FAM169A: variants seen among roughly 807,000 people sequenced by gnomAD.
FAM169A encodes the protein family with sequence similarity 169 member A, also known as soluble lamin-associated protein of 75 kDa.
FAM169A carries 24 observed loss-of-function variants against 75.7 expected under a neutral mutation model. The ratio of observed to expected loss-of-function variants is 0.32; its 90% CI spans 0.23 to 0.45. The LOEUF (loss-of-function observed/expected upper bound fraction) is 0.45, where lower values mean the gene tolerates loss of function less well. Among genes scored for constraint, FAM169A ranks in the 20% least tolerant of loss-of-function variants. FAM169A has a pLI of 1.00. For missense variants in FAM169A, 673 were observed against 784.0 expected (o/e 0.86, Z 1.69); for synonymous variants, 271 against 271.0 (o/e 1.00, Z 0.00).
At chr5:74,826,739 C>A (rs966886328) in intron 5 of FAM169A, among the ~76,000 whole-genome samples, 1 of 152,226 alleles carries the variant, frequency 6.6e-6, no homozygotes. Flanking sequence ...TCCTATATAG[C>A]CAAAATACTA....
chr5:74,801,258 C>T (rs540059184), intron 9 of FAM169A, among the ~76,000 whole-genome samples: 1 of 152,282 alleles, frequency 6.6e-6, no homozygotes, highest in South Asian at 2.1e-4. Flanking sequence ...AGTCATTCCT[C>T]ACGTTCCATG....
At chr5:74,824,710 C>A (rs767251036) in intron 5 of FAM169A, among the ~76,000 whole-genome samples, 1 of 67,402 alleles carries the variant, frequency 1.5e-5, no homozygotes, top group African/African-American at 2.3e-4. Flanking sequence ...CACACACATA[C>A]ACACACACAC....
At chr5:74,839,128 A>T in intron 3 of FAM169A, 78 bp from the exon 4 acceptor site, 1 of 976,320 alleles carries the variant, frequency 1.0e-6, no homozygotes, top group Admixed American at 1.7e-5. Flanking sequence ...ATTGTACTAT[A>T]AAGTATCCAT....
intron 1 of FAM169A, among the ~76,000 whole-genome samples, chr5:74,853,927 T>C (rs1469911529): frequency 6.6e-6 from 1 of 151,738 alleles, no homozygotes; most frequent in Non-Finnish European, 1.5e-5. Context: ...AAGCCAAGTG[T>C]TTTAAAGCTG....
At chr5:74,803,839 G>C (rs571630674) in intron 8 of FAM169A, among the ~76,000 whole-genome samples, 2 of 152,106 alleles carry the variant, frequency 1.3e-5, no homozygotes, top group Non-Finnish European at 2.9e-5. Context: ...CAACTTCATA[G>C]TCTTTCACCT....
rs192084844 is a variant in FAM169A at position 74,844,574 on chromosome 5, C to A, written c.-3-2895G>T. On this transcript the variant is annotated intron_variant, in intron 1 of 12. Coordinates refer to ENST00000687041, the MANE Select transcript of FAM169A (RefSeq NM_001376049.1). ...GTGGCTCACGCCTGTAATCCCGACA[C>A]TCTGGGAGGCTGAGGCAGGCGGATC... Among the ~76,000 whole-genome samples, 82 of 152,352 alleles carry A rather than the reference C, an allele frequency of 5.4e-4. 1 individual carries two copies. Among genetic ancestry groups the A allele is most frequent in the African/African-American group, 1.9e-3 (78 of 41,590 alleles).
chr5:74,818,144 A>G (rs529473584), intron 5 of FAM169A, among the ~76,000 whole-genome samples: 1 of 152,326 alleles, frequency 6.6e-6, no homozygotes, highest in South Asian at 2.1e-4. Flanking sequence ...GACAAAAGAA[A>G]AAGTAGATAA....
chr5:74,859,293 T>C (rs1158163969), intron 1 of FAM169A, among the ~76,000 whole-genome samples: 2 of 144,736 alleles, frequency 1.4e-5, no homozygotes, highest in Non-Finnish European at 3.1e-5. Flanking sequence ...TTCTCTTTTT[T>C]TTTTTTTTTT....
intron 11 of FAM169A, among the ~76,000 whole-genome samples, chr5:74,794,928 A>C (rs1212253091): frequency 1.3e-5 from 2 of 152,124 alleles, no homozygotes; most frequent in African/African-American, 2.4e-5. Flanking sequence ...CATTTCATGA[A>C]ATAGAGGAAG....
chr5:74,864,923 T>C (rs1750235058), intron 1 of FAM169A, among the ~76,000 whole-genome samples: 2 of 152,216 alleles, frequency 1.3e-5, no homozygotes, highest in South Asian at 2.1e-4. Context: ...AATAAAAATC[T>C]TTCCTCTTGT....
At chr5:74,850,210 A>G (rs1301752833) in intron 1 of FAM169A, among the ~76,000 whole-genome samples, 3 of 152,226 alleles carry the variant, frequency 2.0e-5, no homozygotes, top group Admixed American at 6.5e-5. Context: ...TAACTTGTTC[A>G]AGGCCACACT....
At chr5:74,849,594 A>G (rs556768106) in intron 1 of FAM169A, among the ~76,000 whole-genome samples, 7 of 152,202 alleles carry the variant, frequency 4.6e-5, no homozygotes, top group African/African-American at 7.2e-5. Context: ...TCCAGGCAAC[A>G]TAATCAGCAA....
At chr5:74,827,474 T>C (rs1748094373) in intron 5 of FAM169A, among the ~76,000 whole-genome samples, 1 of 152,106 alleles carries the variant, frequency 6.6e-6, no homozygotes, top group African/African-American at 2.4e-5. Flanking sequence ...CAAGAATATA[T>C]TTGTATATAA....
chr5:74,856,813 GAAAA>G (rs60985381), intron 1 of FAM169A, among the ~76,000 whole-genome samples: 1 of 112,488 alleles, frequency 8.9e-6, no homozygotes, highest in African/African-American at 3.2e-5. Context: ...CACATTTTAA[GAAAA>G]AAAAAAAAAA....
chr5:74,811,014 G>A (rs1264549701), intron 6 of FAM169A, among the ~76,000 whole-genome samples: 2 of 131,040 alleles, frequency 1.5e-5, no homozygotes, highest in East Asian at 2.2e-4. Context: ...ACAGAGTCTC[G>A]CTCTGTCACC....
chr5:74,819,260 T>C (rs1042044847), intron 5 of FAM169A, among the ~76,000 whole-genome samples: 1 of 151,324 alleles, frequency 6.6e-6, no homozygotes, highest in Non-Finnish European at 1.5e-5. Flanking sequence ...AATATTTCTA[T>C]TCAAAGAAGA....
intron 1 of FAM169A, among the ~76,000 whole-genome samples, chr5:74,861,593 T>C (rs1750039028): frequency 6.6e-6 from 1 of 152,072 alleles, no homozygotes; most frequent in African/African-American, 2.4e-5. Flanking sequence ...TGGGCACCTG[T>C]AATCCCAGCT....
At chr5:74,805,380 G>A in intron 6 of FAM169A, 96 bp from the exon 7 acceptor site, 1 of 1,127,500 alleles carries the variant, frequency 8.9e-7, no homozygotes, top group Non-Finnish European at 1.3e-6. Flanking sequence ...ACTTAACGGG[G>A]CTAGCATAAC....
chr5:74,786,891 C>A (rs973228076), intron 11 of FAM169A, among the ~76,000 whole-genome samples: 1 of 152,134 alleles, frequency 6.6e-6, no homozygotes, highest in Non-Finnish European at 1.5e-5. Flanking sequence ...AATGGGGACA[C>A]GTGGGAGGAC....
Sources: gnomAD v4.1 joint callset for allele counts (sites outside exome capture counted in the v4.1 genomes callset) on GRCh38, gnomAD v4.1.1 for gene constraint, MANE v1.5 for transcripts, NCBI Gene and HGNC (gene_info 2026-07-23, HGNC 2026-07-21) for gene names.